Variants in KAZN observed in about 807,000 individuals in gnomAD.
KAZN encodes the protein kazrin.
A neutral mutation model predicts 87.4 loss-of-function variants in KAZN; 40 were observed. The ratio of observed to expected loss-of-function variants is 0.46; its 90% CI spans 0.36 to 0.60. The LOEUF (loss-of-function observed/expected upper bound fraction) is 0.60, where lower values mean the gene tolerates loss of function less well. KAZN is among the 20% of genes least tolerant of loss of function. The probability of loss-of-function intolerance (pLI) is 0.00; values close to 1 mark genes in which losing one functional copy is unlikely to be tolerated. For missense variants in KAZN, 898 were observed against 1,073.9 expected (o/e 0.84, Z 2.29); for synonymous variants, 466 against 458.3 (o/e 1.02, Z -0.22).
intron 2 of KAZN, among the ~76,000 whole-genome samples, chr1:14,295,041 A>C (rs570307323): frequency 6.6e-6 from 1 of 151,996 alleles, no homozygotes; most frequent in African/African-American, 2.4e-5. Flanking sequence ...GTGTGTCCTT[A>C]GGCAAACAGT....
chr1:14,684,110 C>T lies in KAZN; in HGVS notation c.226+84887C>T, dbSNP rs558909390. On this transcript the variant is annotated intron_variant, in intron 1 of 14. Transcript: ENST00000376030. ...TCAGGTACCAAGCTAAGCCCTGGCC[C>T]CGTATCAAGCTCCTATAAGTGTCTC... Among the ~76,000 whole-genome samples the T allele has an allele frequency of 5.3e-5, 8 of 152,280 alleles. No individual in the cohort carries two copies. In the East Asian group the frequency reaches 1.4e-3, roughly 26 times the overall value.
At chr1:14,977,808 C>G (rs755180436) in intron 2 of KAZN, among the ~76,000 whole-genome samples, 9 of 151,860 alleles carry the variant, frequency 5.9e-5, no homozygotes, top group Non-Finnish European at 1.2e-4. Flanking sequence ...CTCCCAGCCT[C>G]TCACTCGCTT....
chr1:14,850,330 G>C (rs762492766), intron 1 of KAZN, among the ~76,000 whole-genome samples: 3 of 152,128 alleles, frequency 2.0e-5, no homozygotes, highest in Non-Finnish European at 4.4e-5. Context: ...CATGACCTTG[G>C]CATTCTACTA....
chr1:14,118,028 C>T (rs1644666609), intron 1 of KAZN, among the ~76,000 whole-genome samples: 1 of 152,182 alleles, frequency 6.6e-6, no homozygotes, highest in Admixed American at 6.5e-5. Flanking sequence ...AACCTAATCC[C>T]ATGGTCCAGG....
At chr1:13,929,041 TC>T (rs1223909033) in intron 1 of KAZN, among the ~76,000 whole-genome samples, 2 of 131,890 alleles carry the variant, frequency 1.5e-5, no homozygotes, top group Admixed American at 1.8e-4. Flanking sequence ...TAGTTCAGCT[TC>T]AAGGCTTTTT....
chr1:14,028,422 T>G (rs1324957548), intron 1 of KAZN, among the ~76,000 whole-genome samples: 3 of 152,084 alleles, frequency 2.0e-5, no homozygotes, highest in African/African-American at 7.2e-5. Flanking sequence ...TCTAATCACC[T>G]CCTCATGCAT....
At chr1:14,595,757 C>CCG (rs1270118120), upstream of KAZN, among the ~76,000 whole-genome samples, 1 of 151,716 alleles carries the variant, frequency 6.6e-6, no homozygotes, top group African/African-American at 2.4e-5. Context: ...TCAAGTATAC[C>CCG]CGCAGAGGCT....
intron 1 of KAZN, among the ~76,000 whole-genome samples, chr1:14,958,227 C>G (rs1663387758): frequency 6.6e-6 from 1 of 152,176 alleles, no homozygotes; most frequent in South Asian, 2.1e-4. Flanking sequence ...GGTAGGGCAT[C>G]TAGGAAAGGG....
Position 14,359,116 on chromosome 1 carries a change from T to C in KAZN, c.249+178524T>C, listed in dbSNP as rs372610372. ...TGAATCTGGGTGCTCCTGTATTGGG[T>C]GCATATATATTTAGGATAGTTAGCT... On this transcript the variant is annotated intron_variant, in intron 2 of 16. Coordinates refer to the KAZN transcript ENST00000636203. Among the ~76,000 whole-genome samples the C allele has an allele frequency of 7.2e-5, 11 of 152,322 alleles. No homozygotes were observed. The East Asian group carries it at 1.7e-3, about 24-fold the overall frequency.
chr1:14,069,227 G>A (rs563585378), intron 1 of KAZN, among the ~76,000 whole-genome samples: 28 of 152,348 alleles, frequency 1.8e-4, no homozygotes, highest in Admixed American at 1.5e-3. Flanking sequence ...GCATTACACA[G>A]TGCATCTTCA....
At chr1:14,503,432 C>T (rs1035404290) in intron 2 of KAZN, among the ~76,000 whole-genome samples, 13 of 150,576 alleles carry the variant, frequency 8.6e-5, no homozygotes, top group African/African-American at 2.9e-4. Flanking sequence ...TGCAGTGAGC[C>T]GACATCACGC....
chr1:14,182,442 A>G (rs1475322492), intron 2 of KAZN, among the ~76,000 whole-genome samples: 1 of 152,174 alleles, frequency 6.6e-6, no homozygotes, highest in Non-Finnish European at 1.5e-5. Context: ...TGATGAGTTT[A>G]GTATACCACT....
intron 2 of KAZN, among the ~76,000 whole-genome samples, chr1:14,304,122 C>CT (rs1453241357): frequency 3.7e-4 from 56 of 152,178 alleles, no homozygotes; most frequent in Non-Finnish European, 7.3e-5. Flanking sequence ...CAAGGCTTCC[C>CT]TTCCTCTGGG....
chr1:14,486,790 G>A (rs79956355), intron 2 of KAZN, among the ~76,000 whole-genome samples: 5,619 of 152,230 alleles, frequency 0.037, 256 homozygotes, highest in African/African-American at 0.098. Flanking sequence ...AGACTAGGCG[G>A]GCTGGATTCC....
At chr1:15,097,629 A>G (rs759216573) in intron 10 of KAZN, among the ~76,000 whole-genome samples, 2 of 152,024 alleles carry the variant, frequency 1.3e-5, no homozygotes, top group Middle Eastern at 3.2e-3. Context: ...GACCAGCCTA[A>G]CCAACATGGT....
intron 2 of KAZN, among the ~76,000 whole-genome samples, chr1:14,517,379 A>C (rs1468189509): frequency 6.6e-6 from 1 of 152,130 alleles, no homozygotes; most frequent in African/African-American, 2.4e-5. Context: ...GAGAGCAGGG[A>C]ATGACATCAG....
intron 1 of KAZN, among the ~76,000 whole-genome samples, chr1:14,864,219 C>T (rs1457028464): frequency 6.6e-6 from 1 of 152,196 alleles, no homozygotes; most frequent in East Asian, 1.9e-4. Context: ...GTGGTTACTA[C>T]TGAAAAGTGA....
chr1:14,156,018 G>A (rs139989330), intron 1 of KAZN, among the ~76,000 whole-genome samples: 11 of 152,086 alleles, frequency 7.2e-5, no homozygotes, highest in African/African-American at 2.7e-4. Flanking sequence ...GTGTCCCATA[G>A]GTTCTGATAT....
intron 1 of KAZN, among the ~76,000 whole-genome samples, chr1:14,876,335 G>A (rs922210204): frequency 1.2e-4 from 19 of 152,206 alleles, no homozygotes; most frequent in Admixed American, 3.3e-4. Context: ...TGACATTAGC[G>A]ATAGTAGCTG....
Sources: allele counts gnomAD v4.1 joint callset (sites outside exome capture counted in the v4.1 genomes callset), GRCh38; gene constraint gnomAD v4.1.1; transcripts MANE v1.5; gene names NCBI Gene and HGNC (gene_info 2026-07-23, HGNC 2026-07-21).